Variants in PRR16 observed in about 807,000 individuals in gnomAD.
PRR16 encodes protein Largen.
In PRR16, 6 loss-of-function variants were observed where a neutral mutation model predicts 18.2. That is an observed-to-expected ratio of 0.33 (90% CI 0.18 to 0.65). The LOEUF (loss-of-function observed/expected upper bound fraction) is 0.65, where lower values mean the gene tolerates loss of function less well. Among genes scored for constraint, PRR16 ranks in the 30% least tolerant of loss-of-function variants. The pLI, the probability that PRR16 is intolerant of heterozygous loss-of-function variation, is 0.74. For missense variants in PRR16, 412 were observed against 376.6 expected (o/e 1.09, Z -0.78); for synonymous variants, 151 against 147.8 (o/e 1.02, Z -0.16).
intron 1 of PRR16, among the ~76,000 whole-genome samples, chr5:120,481,685 T>C (rs563682892): frequency 7.2e-5 from 11 of 152,306 alleles, no homozygotes; most frequent in East Asian, 1.9e-4. Flanking sequence ...TCTGCACATT[T>C]AAGAGAAGTT....
intron 1 of PRR16, among the ~76,000 whole-genome samples, chr5:120,579,237 C>A (rs975943562): frequency 6.6e-6 from 1 of 152,064 alleles, no homozygotes; most frequent in African/African-American, 2.4e-5. Flanking sequence ...TTTTGCTGTG[C>A]AGAAGCTCTT....
chr5:120,690,330 A>G (rs374668935), downstream of PRR16, among the ~76,000 whole-genome samples: 1 of 152,140 alleles, frequency 6.6e-6, no homozygotes, highest in East Asian at 1.9e-4. Flanking sequence ...CAAGTCATGA[A>G]TCACTGCCGT....
intron 1 of PRR16, among the ~76,000 whole-genome samples, chr5:120,644,523 CTT>C (rs1755528652): frequency 6.6e-6 from 1 of 152,060 alleles, no homozygotes; most frequent in East Asian, 1.9e-4. Context: ...GCAAACAGGA[CTT>C]TGCAAAATAT....
At chr5:120,624,255 TG>T (rs1419040937) in intron 1 of PRR16, among the ~76,000 whole-genome samples, 1 of 152,118 alleles carries the variant, frequency 6.6e-6, no homozygotes, top group Non-Finnish European at 1.5e-5. Flanking sequence ...TCATATAAAA[TG>T]GATAACAGGA....
intron 1 of PRR16, among the ~76,000 whole-genome samples, chr5:120,575,786 G>A (rs936201337): frequency 1.3e-5 from 2 of 152,098 alleles, no homozygotes; most frequent in Non-Finnish European, 2.9e-5. Flanking sequence ...ATAGTACTGG[G>A]AGTTCTAGTC....
At chr5:120,523,040 G>C (rs1248931733) in intron 1 of PRR16, among the ~76,000 whole-genome samples, 19 of 152,024 alleles carry the variant, frequency 1.2e-4, no homozygotes, top group Non-Finnish European at 4.4e-5. Context: ...TCTGCTTTTT[G>C]ACTTAATTTG....
chr5:120,485,005 G>A (rs903348021), intron 1 of PRR16, among the ~76,000 whole-genome samples: 1 of 151,736 alleles, frequency 6.6e-6, no homozygotes, highest in Admixed American at 6.6e-5. Flanking sequence ...AGAAGGAATA[G>A]ATAAGGTTTT....
chr5:120,746,166 G>T, the PRR16 span, among the ~76,000 whole-genome samples: 2 of 149,544 alleles, frequency 1.3e-5, no homozygotes, highest in Admixed American at 6.7e-5. Context: ...TTGTTCCTTC[G>T]GATCATTTCC....
chr5:120,488,083 TA>T (rs1749880930), intron 1 of PRR16, among the ~76,000 whole-genome samples: 1 of 152,162 alleles, frequency 6.6e-6, no homozygotes, highest in African/African-American at 2.4e-5. Context: ...CATCGATGTT[TA>T]TCAGGGATAT....
chr5:120,666,885 A>C (rs1436032281), intron 1 of PRR16, among the ~76,000 whole-genome samples: 92 of 146,788 alleles, frequency 6.3e-4, no homozygotes, highest in Non-Finnish European at 9.1e-4. Flanking sequence ...GGATTTTTGC[A>C]TCAATGTTCA....
intron 1 of PRR16, among the ~76,000 whole-genome samples, chr5:120,545,086 G>A (rs1168466046): frequency 6.6e-6 from 1 of 152,060 alleles, no homozygotes; most frequent in East Asian, 1.9e-4. Flanking sequence ...GAGCACAGAG[G>A]TAGGAGAGAA....
the PRR16 span, among the ~76,000 whole-genome samples, chr5:120,723,874 AATTTT>A: frequency 6.6e-5 from 10 of 151,904 alleles, no homozygotes; most frequent in African/African-American, 2.4e-4. Context: ...TGAGGCTATT[AATTTT>A]ATTTTATTCT....
At chr5:120,639,975 A>G (rs1755367563) in intron 1 of PRR16, among the ~76,000 whole-genome samples, 1 of 152,046 alleles carries the variant, frequency 6.6e-6, no homozygotes, top group Non-Finnish European at 1.5e-5. Context: ...AAAGAATGTA[A>G]TTATGTCCTT....
chr5:120,516,139 A>C (rs573582037), intron 1 of PRR16, among the ~76,000 whole-genome samples: 25 of 152,240 alleles, frequency 1.6e-4, no homozygotes, highest in African/African-American at 6.0e-4. Context: ...AAACCAAAAC[A>C]AAAGCTGGTC....
intron 1 of PRR16, among the ~76,000 whole-genome samples, chr5:120,558,717 C>A (rs1357903034): frequency 6.6e-6 from 1 of 151,928 alleles, no homozygotes; most frequent in African/African-American, 2.4e-5. Context: ...GTTGAGGAAC[C>A]TCCAAACTGT....
the PRR16 span, chr5:120,710,569 G>A: frequency 6.6e-6 from 1 of 152,168 alleles, no homozygotes; most frequent in Non-Finnish European, 1.5e-5. Flanking sequence ...ACTCTAGTGT[G>A]TTAGTATTAC....
chr5:120,595,427 A>C (rs1753767964), intron 1 of PRR16, among the ~76,000 whole-genome samples: 1 of 58,314 alleles, frequency 1.7e-5, no homozygotes. Flanking sequence ...GGCTATTATC[A>C]AAAAGTCAAA....
rs576626665 is a variant in PRR16, at chr5:120,519,169, A to C, written c.159+54524A>C. On this transcript the variant is annotated intron_variant, in intron 1 of 1. Transcript: ENST00000407149. ...GGAGAGAGAATCTAGACCCTAGGAC[A>C]TGAAAGACAGCAGGTATGTGCTTCT... is the stretch of plus-strand genomic sequence containing the variant. Among the ~76,000 whole-genome samples, 4 of 152,184 alleles carry C rather than the reference A, an allele frequency of 2.6e-5. No homozygotes were observed. The East Asian group carries it at 7.8e-4, about 29-fold the overall frequency.
chr5:120,606,011 A>AG (rs1300368698), intron 1 of PRR16, among the ~76,000 whole-genome samples: 1 of 152,094 alleles, frequency 6.6e-6, no homozygotes, highest in African/African-American at 2.4e-5. Context: ...CAACAGAGGC[A>AG]GGGGGGATGC....
Sources: gnomAD v4.1 joint callset for allele counts (sites outside exome capture counted in the v4.1 genomes callset) on GRCh38, gnomAD v4.1.1 for gene constraint, MANE v1.5 for transcripts, NCBI Gene and HGNC (gene_info 2026-07-23, HGNC 2026-07-21) for gene names.